The following TTC4 variants were observed in gnomAD, a reference collection of about 807,000 sequenced individuals.
The protein encoded by TTC4 is tetratricopeptide repeat domain 4.
In TTC4, 36 loss-of-function variants were observed where a neutral mutation model predicts 51.9. That is an observed-to-expected ratio of 0.69 (90% CI 0.53 to 0.92). The LOEUF (loss-of-function observed/expected upper bound fraction) is 0.92, where lower values mean the gene tolerates loss of function less well. Ranked by LOEUF, TTC4 falls within the 40% of genes least tolerant of loss-of-function variation. The pLI is 0.00. For missense variants in TTC4, 399 were observed against 454.6 expected, an observed-to-expected ratio of 0.88 and a Z score of 1.11; for synonymous variants, 144 against 164.2, an observed-to-expected ratio of 0.88 and a Z score of 0.94.
chr1:54,724,022 G>T (rs1053405677), intron 5 of TTC4, among the ~76,000 whole-genome samples: 2 of 152,198 alleles, frequency 1.3e-5, no homozygotes, highest in African/African-American at 4.8e-5. Context: ...ATACAGGAAT[G>T]AATGTCTAGA....
In TTC4 at chr1:54,731,587, C is replaced by T; in HGVS notation, c.783C>T (p.Pro261=). ...TGGATGGACTCAGCACTGAGAACCC[C>T]CATGGAGCCAGGCTGAGTCTAGATG... The part of the protein sequence containing the change: ...LFLDGLSTEN[P]HGARLSLDGQ... The change falls in exon 7 of 10, where the codon CCC becomes CCT. Residue 261 remains proline, a synonymous_variant. Coordinates refer to ENST00000371281, the MANE Select transcript of TTC4 (RefSeq NM_004623.5). 6.2e-7 allele frequency: 1 copy of T among 1,614,088 alleles called. No homozygotes were observed. The highest frequency in any genetic ancestry group is 8.5e-7 in the Non-Finnish European group (1 of 1,180,018).
intron 2 of TTC4, among the ~76,000 whole-genome samples, chr1:54,717,016 C>G (rs1412847310): frequency 6.6e-6 from 1 of 152,132 alleles, no homozygotes; most frequent in African/African-American, 2.4e-5. Flanking sequence ...GTAGTGGGTC[C>G]TGTTGGAACA....
rs182155469 is a variant in TTC4, at chr1:54,731,766, G to T, written c.896+66G>T. The T allele has an allele frequency of 5.3e-5, 79 of 1,502,616 alleles. 1 individual carries two copies. Among genetic ancestry groups the T allele is most frequent in the East Asian group, 5.1e-4 (22 of 42,936 alleles). The allele number at this position is 1,502,616 out of a possible 1,614,324, so 93.1% of individuals were successfully genotyped here. ...CTGTCTCTGTTTTTGTGGCAGGAGGGACGAGTGGATTTTTGGTTGAGAAGG... is the reference window on the plus strand; with the variant it reads ...CTGTCTCTGTTTTTGTGGCAGGAGGTACGAGTGGATTTTTGGTTGAGAAGG... On this transcript the variant is annotated intron_variant, in intron 7 of 9. Coordinates refer to ENST00000371281, the MANE Select transcript of TTC4 (RefSeq NM_004623.5).
chr1:54,741,434 C>T lies in TTC4; in HGVS notation c.1085C>T (p.Pro362Leu), dbSNP rs770677014. The change falls in exon 10 of 10, where the codon CCA becomes CTA. Residue 362 changes from proline to leucine, a missense_variant. Transcript: ENST00000371281. ...HQRYFVKALT[P>L]AFLVCVGSSP... ...AGGTACTTTGTAAAAGCCCTGACACCAGCATTTTTGGTCTGTGTAGGATCC... is the reference window on the plus strand; with the variant it reads ...AGGTACTTTGTAAAAGCCCTGACACTAGCATTTTTGGTCTGTGTAGGATCC... The T allele has an allele frequency of 1.2e-6, 2 of 1,614,136 alleles. No homozygotes were observed. Among genetic ancestry groups the T allele is most frequent in the Non-Finnish European group, 1.7e-6 (2 of 1,180,026 alleles).
chr1:54,721,020 A>G (rs1305689387), intron 3 of TTC4, 143 bp from the exon 4 acceptor site: 8 of 701,872 alleles, frequency 1.1e-5, no homozygotes, highest in Non-Finnish European at 1.9e-5. Flanking sequence ...CTTGACAAGT[A>G]CAACCATATT....
chr1:54,734,251 T>C (rs1645907748), intron 8 of TTC4, among the ~76,000 whole-genome samples: 1 of 152,158 alleles, frequency 6.6e-6, no homozygotes, highest in South Asian at 2.1e-4. Flanking sequence ...TTTGTATTTT[T>C]AGTAGAGATG....
chr1:54,739,414 C>G (rs977079125), intron 9 of TTC4, among the ~76,000 whole-genome samples: 3 of 152,206 alleles, frequency 2.0e-5, no homozygotes, highest in African/African-American at 7.2e-5. Flanking sequence ...GGGACTGCCG[C>G]CTCATCTCTG....
chr1:54,716,392 C>G (rs1171452497), intron 1 of TTC4, among the ~76,000 whole-genome samples: 2 of 152,206 alleles, frequency 1.3e-5, no homozygotes. Flanking sequence ...TCCTGCCGCT[C>G]TTGTAGAATG....
chr1:54,731,830 GATA>G, intron 7 of TTC4, 130 bp downstream of exon 7: 1 of 841,138 alleles, frequency 1.2e-6, no homozygotes, highest in East Asian at 2.7e-5. Context: ...CATCTGGTTT[GATA>G]ATAACCTCTC....
At chr1:54,737,268 T>G in intron 8 of TTC4, 2 of 241,376 alleles carry the variant, frequency 8.3e-6, no homozygotes, top group Non-Finnish European at 1.6e-5. Flanking sequence ...TTTAGTCTGA[T>G]TTGTTAGGGA....
intron 8 of TTC4, among the ~76,000 whole-genome samples, chr1:54,734,838 C>CTG (rs1438147122): frequency 1.3e-4 from 20 of 152,182 alleles, no homozygotes; most frequent in Non-Finnish European, 2.9e-4. Flanking sequence ...GAATACTTTA[C>CTG]TGTGTATTTC....
chr1:54,733,571 A>G (rs1645895860), intron 7 of TTC4, 58 bp from the exon 8 acceptor site: 5 of 1,378,166 alleles, frequency 3.6e-6, no homozygotes, highest in Non-Finnish European at 4.0e-6. Flanking sequence ...CTGGGGACCG[A>G]TGTGGGAAAA....
chr1:54,716,057 G>T, intron 1 of TTC4, 38 bp downstream of exon 1: 1 of 1,524,402 alleles, frequency 6.6e-7, no homozygotes. Flanking sequence ...GTGTAGGGGC[G>T]TCGTCCGGAC....
In TTC4 at chr1:54,721,234, A is replaced by G. The variant is rs1229681428; in HGVS notation, c.463A>G (p.Ile155Val). 6.2e-7 allele frequency: 1 copy of G among 1,613,168 alleles called. No homozygotes were observed. The highest frequency in any genetic ancestry group is 8.5e-7 in the Non-Finnish European group (1 of 1,179,324). ...KLKPCHLKAIIRGALCHLELK... is the reference protein window; with the variant it reads ...KLKPCHLKAIVRGALCHLELK... ...AAAACCCTGCCACCTCAAAGCAATA[A>G]TAAGAGGTAAGTCTTGTGGAACTAC... The change falls in exon 4 of 10, where the codon ATA becomes GTA. Residue 155 changes from isoleucine to valine, a missense_variant. Coordinates refer to ENST00000371281, the MANE Select transcript of TTC4 (RefSeq NM_004623.5).
intron 5 of TTC4, 33 bp downstream of exon 5, chr1:54,722,832 CTAATTAGCAGTA>C (rs1248227978): frequency 6.4e-7 from 1 of 1,564,070 alleles, no homozygotes; most frequent in Non-Finnish European, 8.6e-7. Context: ...TTAGCATTTG[CTAATTAGCAGTA>C]ATTAGCATTC....
rs763069486 is a variant in TTC4, at chr1:54,715,901, C to T, written c.-8C>T. 3 of 1,596,856 alleles carry T rather than the reference C, an allele frequency of 1.9e-6. No homozygotes were observed. The highest frequency in any genetic ancestry group is 2.6e-6 in the Non-Finnish European group (3 of 1,171,290). ...CTGGGACCCGGGCTGGAAGGCAGGG[C>T]ATCAGCTATGGAACAACCTGGGCAG... On this transcript the variant is annotated 5_prime_UTR_variant, in exon 1 of 10. Coordinates refer to ENST00000371281, the MANE Select transcript of TTC4 (RefSeq NM_004623.5).
intron 2 of TTC4, among the ~76,000 whole-genome samples, 195 bp downstream of exon 2, chr1:54,716,912 C>T (rs954293164): frequency 6.6e-6 from 1 of 152,116 alleles, no homozygotes; most frequent in Non-Finnish European, 1.5e-5. Flanking sequence ...ACAGTTCCAC[C>T]CTCCAAGGTC....
rs757477989 is a variant in TTC4 at position 54,717,580 on chromosome 1, A to T, written c.318A>T (p.Leu106Phe). The T allele has an allele frequency of 3.7e-6, 6 of 1,612,448 alleles. No individual in the cohort carries two copies. Residue 106 changes from leucine to phenylalanine, a missense_variant, in exon 3 of 10, where the codon TTA (leucine) becomes TTT (phenylalanine). Leu to Phe is a conservative substitution (Grantham distance 22). Coordinates refer to ENST00000371281, the MANE Select transcript of TTC4 (RefSeq NM_004623.5). The stretch of plus-strand genomic sequence containing the variant: ...CTGTAATTTCATACACTGAAGGCTT[A>T]AAGAAGAAATGTGCAGATCCTGATT... ...KKAVISYTEGLKKKCADPDLN... is the reference protein window; with the variant it reads ...KKAVISYTEGFKKKCADPDLN...
chr1:54,725,959 G>A (rs1365341958), intron 5 of TTC4, among the ~76,000 whole-genome samples: 1 of 151,698 alleles, frequency 6.6e-6, no homozygotes, highest in Non-Finnish European at 1.5e-5. Context: ...TAAGGATGAA[G>A]AGAGACTTGT....
Sources: gnomAD v4.1 joint callset for allele counts (sites outside exome capture counted in the v4.1 genomes callset) on GRCh38, gnomAD v4.1.1 for gene constraint, MANE v1.5 for transcripts, NCBI Gene and HGNC (gene_info 2026-07-23, HGNC 2026-07-21) for gene names.